The following MYL4 variants were observed in gnomAD, a reference collection of about 807,000 sequenced individuals.
MYL4 encodes the protein myosin light chain 4, also known as atrial myosin light chain 1.
Under a neutral mutation model 21.6 loss-of-function variants are expected in MYL4, and 16 were observed. The observed-to-expected ratio is 0.74, with a 90% CI of 0.50 to 1.12. MYL4 has a LOEUF of 1.12. MYL4 is among the 50% of genes most tolerant of loss of function. The pLI is 0.00. For synonymous variants in MYL4, 82 were observed against 95.7 expected, an observed-to-expected ratio of 0.86 and a Z score of 0.83; for missense variants, 249 against 252.9, an observed-to-expected ratio of 0.98 and a Z score of 0.11.
rs3785874 is a variant in MYL4 at position 47,219,747 on chromosome 17, G to T, written c.164-157G>T. 0.11 allele frequency among the ~76,000 whole-genome samples: 16,422 copies of T among 152,168 alleles called. 1,293 individuals carry two copies. The highest frequency in any genetic ancestry group is 0.45 in the East Asian group (2,335 of 5,154). ...GGTTGACAGAAGATGGGATGAGGAC[G>T]GGTTCGAGGGACGGCCTGGGATAAT... On this transcript the variant is annotated intron_variant, in intron 2 of 6. Transcript: ENST00000393450.
upstream of MYL4, among the ~76,000 whole-genome samples, chr17:47,205,767 C>G (rs372570770): frequency 1.2e-4 from 19 of 152,342 alleles, no homozygotes; most frequent in African/African-American, 4.1e-4. Flanking sequence ...CTGCCTGGCC[C>G]TAGAGACTTG....
In MYL4 at chr17:47,209,452, G is replaced by A. The variant is rs140092425; in HGVS notation, c.30G>A (p.Lys10=). 6.2e-7 allele frequency: 1 copy of A among 1,614,176 alleles called. No homozygotes were observed. Among genetic ancestry groups the A allele is most frequent in the Non-Finnish European group, 8.5e-7 (1 of 1,180,040 alleles). ...CTCCCAAGAAGCCTGAGCCTAAGAA[G>A]GAGGCAGCCAAGCCAGCTCCAGCTC... The part of the protein sequence containing the change: MAPKKPEPK[K]EAAKPAPAPA... Residue 10 remains lysine, a synonymous_variant, in exon 1 of 7, where the codon AAG becomes AAA. Transcript: ENST00000393450.
upstream of MYL4, among the ~76,000 whole-genome samples, chr17:47,197,433 G>C (rs1430731647): frequency 1.3e-5 from 2 of 152,146 alleles, no homozygotes; most frequent in Non-Finnish European, 2.9e-5. Flanking sequence ...GGCAGTATCT[G>C]AAGTATTGAG....
At chr17:47,205,158 G>A (rs1008046102), upstream of MYL4, among the ~76,000 whole-genome samples, 5 of 152,180 alleles carry the variant, frequency 3.3e-5, no homozygotes, top group East Asian at 1.9e-4. Flanking sequence ...GATGTAAACC[G>A]GTTGGTGCTA....
the MYL4 span, among the ~76,000 whole-genome samples, chr17:47,191,563 G>A: frequency 0.35 from 53,773 of 151,858 alleles, 10,057 homozygotes; most frequent in Admixed American, 0.43. Context: ...CTCCGCCTCC[G>A]GGGTTCAAGC....
At chr17:47,215,582 C>T (rs546221162) in intron 2 of MYL4, among the ~76,000 whole-genome samples, 2 of 152,252 alleles carry the variant, frequency 1.3e-5, no homozygotes, top group Non-Finnish European at 2.9e-5. Flanking sequence ...CCTAATTCTT[C>T]CATTATTGGC....
chr17:47,200,762 C>T (rs1054306238), intron 1 of MYL4, among the ~76,000 whole-genome samples: 2 of 152,180 alleles, frequency 1.3e-5, no homozygotes, highest in Non-Finnish European at 2.9e-5. Context: ...ACAGCACTGC[C>T]TTGACTGCAG....
chr17:47,209,525 A>G lies in MYL4; in HGVS notation c.103A>G (p.Lys35Glu), dbSNP rs750529340. 1.2e-6 allele frequency: 2 copies of G among 1,614,144 alleles called. No individual in the cohort carries two copies. The highest frequency in any genetic ancestry group is 1.3e-5 in the African/African-American group (1 of 75,050). Residue 35 changes from lysine (K) to glutamate (E), a missense_variant, in exon 1 of 7, where the codon AAG becomes GAG. By Grantham distance (56) the Lys-to-Glu change is moderately conservative (BLOSUM62 1). Transcript: ENST00000393450. ...PAPAPAPEAP[K>E]EPAFDPKSVK... ...CCCTGCCCCAGCTCCTGAGGCTCCC[A>G]AGGAACCTGCCTTTGACCCCAAGAG...
At chr17:47,207,957 C>G (rs1167848876), upstream of MYL4, among the ~76,000 whole-genome samples, 1 of 152,188 alleles carries the variant, frequency 6.6e-6, no homozygotes, top group Non-Finnish European at 1.5e-5. Context: ...TTGTATGTCT[C>G]TCCCCGACAA....
chr17:47,195,376 T>C, the MYL4 span, among the ~76,000 whole-genome samples: 1 of 152,094 alleles, frequency 6.6e-6, no homozygotes, highest in South Asian at 2.1e-4. Flanking sequence ...ATTACAGGCA[T>C]AGACCACCAT....
At chr17:47,219,258 C>T (rs1466940168) in intron 2 of MYL4, among the ~76,000 whole-genome samples, 3 of 152,214 alleles carry the variant, frequency 2.0e-5, no homozygotes, top group Admixed American at 6.5e-5. Context: ...CCACACACTG[C>T]GACCTCCCTT....
At chr17:47,189,629 C>T in the MYL4 span, among the ~76,000 whole-genome samples, 1 of 152,342 alleles carries the variant, frequency 6.6e-6, no homozygotes, top group Middle Eastern at 3.4e-3. Flanking sequence ...GTGGATTAGC[C>T]CCTCAGCCCT....
chr17:47,213,564 A>T (rs2064791192), intron 1 of MYL4, among the ~76,000 whole-genome samples: 1 of 152,136 alleles, frequency 6.6e-6, no homozygotes, highest in South Asian at 2.1e-4. Flanking sequence ...TTCAATCCAG[A>T]GTTGGTTGAA....
intron 1 of MYL4, among the ~76,000 whole-genome samples, chr17:47,202,698 A>G (rs2064714100): frequency 6.6e-6 from 1 of 150,884 alleles, no homozygotes; most frequent in Non-Finnish European, 1.5e-5. Context: ...TTGAAAAAGC[A>G]ACTCTAAATT....
At chr17:47,221,296 C>T (rs558596894) in intron 3 of MYL4, among the ~76,000 whole-genome samples, 9 of 152,244 alleles carry the variant, frequency 5.9e-5, no homozygotes, top group East Asian at 1.9e-4. Flanking sequence ...AGGTCTGTCA[C>T]GTCAAGGGTC....
chr17:47,209,114 G>A, upstream of MYL4: 1 of 496,712 alleles, frequency 2.0e-6, no homozygotes, highest in East Asian at 3.8e-5. Context: ...GGTCCTTCTG[G>A]GTTTCCACCA....
intron 2 of MYL4, among the ~76,000 whole-genome samples, chr17:47,219,561 T>C (rs1025856625): frequency 6.6e-6 from 1 of 151,916 alleles, no homozygotes; most frequent in Non-Finnish European, 1.5e-5. Flanking sequence ...CAGGCTGGAG[T>C]GCAGTGGTGC....
chr17:47,226,349 C>G (rs1457990521), downstream of MYL4, among the ~76,000 whole-genome samples: 1 of 152,184 alleles, frequency 6.6e-6, no homozygotes, highest in African/African-American at 2.4e-5. Context: ...GGAAAAGGTG[C>G]CCCAAGGTTG....
intron 6 of MYL4, 133 bp downstream of exon 6, chr17:47,223,190 G>A: frequency 1.2e-6 from 1 of 862,744 alleles, no homozygotes; most frequent in Non-Finnish European, 1.8e-6. Flanking sequence ...AGGAAGTGAG[G>A]ACAGCCCTGC....
Sources: allele counts gnomAD v4.1 joint callset (sites outside exome capture counted in the v4.1 genomes callset), GRCh38; gene constraint gnomAD v4.1.1; transcripts MANE v1.5; gene names NCBI Gene and HGNC (gene_info 2026-07-23, HGNC 2026-07-21).